GLIS3: variants seen among roughly 807,000 people sequenced by gnomAD.
The protein encoded by GLIS3 is GLIS family zinc finger 3, also known as zinc finger protein GLIS3.
GLIS3 carries 53 observed loss-of-function variants against 78.6 expected under a neutral mutation model. The ratio of observed to expected loss-of-function variants is 0.67; its 90% confidence interval spans 0.54 to 0.85. The LOEUF is 0.85. Among genes scored for constraint, GLIS3 ranks in the 40% least tolerant of loss-of-function variants. The pLI is 0.00. For missense variants in GLIS3, 1,703 were observed against 1,231.1 expected (o/e 1.38, Z -5.74); for synonymous variants, 684 against 509.9 (o/e 1.34, Z -4.60).
chr9:4,374,022 T>C, the GLIS3 span, among the ~76,000 whole-genome samples: 1 of 152,218 alleles, frequency 6.6e-6, no homozygotes, highest in African/African-American at 2.4e-5. Context: ...CATGGGCACC[T>C]TTTTAACAGT....
intron 4 of GLIS3, among the ~76,000 whole-genome samples, chr9:3,975,692 C>T (rs944436436): frequency 3.3e-5 from 5 of 151,836 alleles, no homozygotes; most frequent in Non-Finnish European, 7.4e-5. Context: ...TCCAAATAAA[C>T]ATATTTGGTT....
intron 4 of GLIS3, among the ~76,000 whole-genome samples, chr9:4,063,235 T>C (rs1227709724): frequency 6.6e-6 from 1 of 152,208 alleles, no homozygotes; most frequent in Non-Finnish European, 1.5e-5. Flanking sequence ...CATATGTGTT[T>C]TTATTCCCCA....
chr9:4,120,761 A>T (rs116136746), intron 3 of GLIS3, among the ~76,000 whole-genome samples: 1,625 of 152,364 alleles, frequency 0.011, 27 homozygotes, highest in African/African-American at 0.037. Context: ...GCACATTCTC[A>T]GGTGCTACAA....
chr9:3,848,292 G>T (rs893725234), intron 9 of GLIS3, among the ~76,000 whole-genome samples: 2 of 152,126 alleles, frequency 1.3e-5, no homozygotes, highest in African/African-American at 4.8e-5. Flanking sequence ...CCTGGGCTCG[G>T]GAGTTCAAGA....
intron 2 of GLIS3, among the ~76,000 whole-genome samples, chr9:4,194,318 C>T (rs574965884): frequency 2.6e-5 from 4 of 152,218 alleles, no homozygotes; most frequent in African/African-American, 9.6e-5. Context: ...CTTTGGCCTC[C>T]CAAAGTGCTA....
intron 2 of GLIS3, among the ~76,000 whole-genome samples, chr9:4,207,569 C>T (rs1419514278): frequency 6.6e-6 from 1 of 152,164 alleles, no homozygotes; most frequent in Non-Finnish European, 1.5e-5. Flanking sequence ...TAACATGTTA[C>T]TACGTGCCTT....
intron 5 of GLIS3, chr9:3,932,690 TTGA>T (rs1421008977): frequency 6.0e-6 from 3 of 498,388 alleles, no homozygotes; most frequent in African/African-American, 2.0e-5. Context: ...TGCCCTATCC[TTGA>T]TGATTTCTAA....
At chr9:4,322,377 C>A (rs1027849379) in intron 2 of GLIS3, among the ~76,000 whole-genome samples, 1 of 152,016 alleles carries the variant, frequency 6.6e-6, no homozygotes, top group Non-Finnish European at 1.5e-5. Context: ...GATTTATAAT[C>A]CTTTGGGTAT....
the GLIS3 span, among the ~76,000 whole-genome samples, chr9:4,382,803 A>T: frequency 6.6e-6 from 1 of 152,142 alleles, no homozygotes; most frequent in African/African-American, 2.4e-5. Flanking sequence ...CTTTTACTGT[A>T]CCTAATACAG....
chr9:4,272,252 T>C (rs1826578518), intron 2 of GLIS3, among the ~76,000 whole-genome samples: 1 of 152,234 alleles, frequency 6.6e-6, no homozygotes, highest in Admixed American at 6.5e-5. Flanking sequence ...CAGTGGTTTC[T>C]CTGCTTCAGC....
chr9:3,916,129 C>T (rs1824494303), intron 6 of GLIS3, among the ~76,000 whole-genome samples: 1 of 152,176 alleles, frequency 6.6e-6, no homozygotes, highest in Non-Finnish European at 1.5e-5. Flanking sequence ...TCCATAGAAA[C>T]TAAAGCCTGT....
intron 2 of GLIS3, among the ~76,000 whole-genome samples, chr9:4,165,636 A>C (rs1320422412): frequency 1.3e-5 from 2 of 152,248 alleles, no homozygotes; most frequent in African/African-American, 4.8e-5. Flanking sequence ...CTCCGGGCTG[A>C]TGCCTGATGG....
At chr9:4,083,099 G>C (rs1828700831) in intron 4 of GLIS3, among the ~76,000 whole-genome samples, 1 of 152,104 alleles carries the variant, frequency 6.6e-6, no homozygotes. Flanking sequence ...ATATAAATAA[G>C]GGAACAGAAA....
intron 4 of GLIS3, among the ~76,000 whole-genome samples, chr9:4,005,143 C>T (rs529525854): frequency 1.2e-4 from 19 of 152,288 alleles, no homozygotes; most frequent in Admixed American, 5.9e-4. Flanking sequence ...TTCTTTGAGG[C>T]ACCCAAAATG....
chr9:4,454,375 G>C, the GLIS3 span, among the ~76,000 whole-genome samples: 13 of 152,216 alleles, frequency 8.5e-5, no homozygotes, highest in South Asian at 4.2e-4. Context: ...AAATCAGATC[G>C]AACAAGAAAA....
At chr9:4,405,340 G>A in the GLIS3 span, among the ~76,000 whole-genome samples, 1 of 148,444 alleles carries the variant, frequency 6.7e-6, no homozygotes, top group Non-Finnish European at 1.5e-5. Flanking sequence ...GGCAGTAAGA[G>A]CGAAACTCCA....
chr9:4,242,998 T>C (rs1823462520), intron 2 of GLIS3, among the ~76,000 whole-genome samples: 3 of 151,974 alleles, frequency 2.0e-5, no homozygotes, highest in South Asian at 2.1e-4. Context: ...CTCTGCCTTG[T>C]ATGTACATCA....
chr9:4,064,838 AT>A (rs1202045186), intron 4 of GLIS3, among the ~76,000 whole-genome samples: 1 of 152,198 alleles, frequency 6.6e-6, no homozygotes, highest in Non-Finnish European at 1.5e-5. Flanking sequence ...TTGAGGACTA[AT>A]TCGGAAGGAA....
the GLIS3 span, among the ~76,000 whole-genome samples, chr9:4,442,634 T>G: frequency 6.6e-6 from 1 of 151,852 alleles, no homozygotes. Flanking sequence ...TTTTTTCTCC[T>G]TAAATACCTT....
Sources: gnomAD v4.1 joint callset for allele counts (sites outside exome capture counted in the v4.1 genomes callset) on GRCh38, gnomAD v4.1.1 for gene constraint, MANE v1.5 for transcripts, NCBI Gene and HGNC (gene_info 2026-07-23, HGNC 2026-07-21) for gene names.